The following GALNTL6 variants were observed in gnomAD, a reference collection of about 807,000 sequenced individuals.
GALNTL6 encodes the protein polypeptide N-acetylgalactosaminyltransferase-like 6.
In GALNTL6, 46 loss-of-function variants were observed where a neutral mutation model predicts 73.7. The ratio of observed to expected loss-of-function variants is 0.62; its 90% CI spans 0.49 to 0.80. GALNTL6 has a LOEUF of 0.80. Ranked by LOEUF, GALNTL6 falls within the 30% of genes least tolerant of loss-of-function variation. The probability of loss-of-function intolerance (pLI) is 0.00; values close to 1 mark genes in which losing one functional copy is unlikely to be tolerated. For synonymous variants in GALNTL6, 259 were observed against 263.7 expected (o/e 0.98, Z 0.17); for missense variants, 604 against 755.0 (o/e 0.80, Z 2.34).
In GALNTL6 at chr4:172,813,378, A is replaced by G. The variant is rs573749185; in HGVS notation, c.740-162A>G. Among the ~76,000 whole-genome samples the G allele has an allele frequency of 9.1e-4, 138 of 152,316 alleles. 4 individuals are homozygous for G. The South Asian group carries it at 0.028, about 31-fold the overall frequency. ...ACCTAATCGCTGTCCCATCACATTAAGTCCAGAATTCAGAGATTCCTGAAA... is the reference window on the plus strand; with the variant it reads ...ACCTAATCGCTGTCCCATCACATTAGGTCCAGAATTCAGAGATTCCTGAAA... On this transcript the variant is annotated intron_variant, in intron 6 of 12. Coordinates refer to ENST00000506823, the MANE Select transcript of GALNTL6 (RefSeq NM_001034845.3).
chr4:171,906,769 A>G (rs1356679498), intron 2 of GALNTL6, among the ~76,000 whole-genome samples: 1 of 152,196 alleles, frequency 6.6e-6, no homozygotes, highest in Admixed American at 6.5e-5. Flanking sequence ...AACCGAATCC[A>G]GCAGCACATC....
intron 7 of GALNTL6, among the ~76,000 whole-genome samples, chr4:172,869,497 G>A (rs1424223068): frequency 6.6e-6 from 1 of 152,156 alleles, no homozygotes; most frequent in Non-Finnish European, 1.5e-5. Context: ...TAAAGTGTAT[G>A]CAGAGGTGGG....
chr4:172,041,152 G>C (rs1349821960), intron 2 of GALNTL6, among the ~76,000 whole-genome samples: 5 of 152,018 alleles, frequency 3.3e-5, no homozygotes, highest in Admixed American at 6.6e-5. Context: ...ATGATTGCAT[G>C]AGTTGGGAAC....
intron 10 of GALNTL6, among the ~76,000 whole-genome samples, chr4:172,956,770 A>G (rs1239280021): frequency 6.6e-6 from 1 of 152,208 alleles, no homozygotes; most frequent in Non-Finnish European, 1.5e-5. Context: ...AGTATTGTCC[A>G]GTCCTTTTTA....
At chr4:172,698,319 C>T (rs1222301989) in intron 5 of GALNTL6, among the ~76,000 whole-genome samples, 2 of 152,152 alleles carry the variant, frequency 1.3e-5, no homozygotes, top group Non-Finnish European at 2.9e-5. Context: ...CAGCTAGAGA[C>T]TTACTGCTTA....
intron 2 of GALNTL6, among the ~76,000 whole-genome samples, chr4:172,039,873 T>G (rs1742035776): frequency 6.6e-6 from 1 of 152,152 alleles, no homozygotes; most frequent in Non-Finnish European, 1.5e-5. Flanking sequence ...TCCAGTGTAA[T>G]TTCATTAAGA....
chr4:172,156,553 A>ATATATATATAG (rs1734289673), intron 2 of GALNTL6, among the ~76,000 whole-genome samples: 2 of 137,610 alleles, frequency 1.5e-5, no homozygotes, highest in Non-Finnish European at 3.1e-5. Flanking sequence ...ATATATATAT[A>ATATATATATAG]TATATATATA....
At chr4:172,053,066 G>A (rs1038464961) in intron 2 of GALNTL6, among the ~76,000 whole-genome samples, 1 of 151,946 alleles carries the variant, frequency 6.6e-6, no homozygotes, top group South Asian at 2.1e-4. Flanking sequence ...CATGTAAATA[G>A]GACAAAAATA....
chr4:172,525,590 C>T (rs762832808), intron 5 of GALNTL6, among the ~76,000 whole-genome samples: 2 of 152,134 alleles, frequency 1.3e-5, no homozygotes, highest in Non-Finnish European at 2.9e-5. Context: ...GGGTCGGGCA[C>T]AGTGACTAAC....
intron 2 of GALNTL6, among the ~76,000 whole-genome samples, chr4:172,087,774 A>G (rs1041037961): frequency 6.7e-6 from 1 of 149,888 alleles, no homozygotes; most frequent in African/African-American, 2.4e-5. Context: ...AAAAAAAAAA[A>G]CAGTGGAAAT....
At chr4:172,929,421 G>T (rs1748216752) in intron 8 of GALNTL6, among the ~76,000 whole-genome samples, 1 of 151,836 alleles carries the variant, frequency 6.6e-6, no homozygotes, top group African/African-American at 2.4e-5. Context: ...ATTACTCAGG[G>T]GTCTCCAGAG....
chr4:172,823,585 A>C (rs1742061961), intron 7 of GALNTL6, among the ~76,000 whole-genome samples: 1 of 152,226 alleles, frequency 6.6e-6, no homozygotes, highest in African/African-American at 2.4e-5. Context: ...GCTGCAGAGA[A>C]TGTTGTGGCA....
At chr4:172,976,767 A>G (rs1750830212) in intron 10 of GALNTL6, among the ~76,000 whole-genome samples, 1 of 152,226 alleles carries the variant, frequency 6.6e-6, no homozygotes, top group Admixed American at 6.5e-5. Flanking sequence ...AAAAGGCTGG[A>G]TGCATGAAAC....
chr4:172,285,065 G>A (rs1739198846), intron 3 of GALNTL6, among the ~76,000 whole-genome samples: 2 of 152,098 alleles, frequency 1.3e-5, no homozygotes, highest in African/African-American at 4.8e-5. Flanking sequence ...TAATTCTTCT[G>A]ATCTATGAGC....
At chr4:171,951,193 C>T (rs1282735354) in intron 2 of GALNTL6, among the ~76,000 whole-genome samples, 1 of 151,550 alleles carries the variant, frequency 6.6e-6, no homozygotes, top group African/African-American at 2.4e-5. Flanking sequence ...AAAGAAGTTG[C>T]TAAAAAAATA....
At chr4:172,484,457 T>G (rs529273509) in intron 5 of GALNTL6, among the ~76,000 whole-genome samples, 2 of 152,150 alleles carry the variant, frequency 1.3e-5, no homozygotes, top group African/African-American at 4.8e-5. Flanking sequence ...TGACTGAAAG[T>G]GCTGGTTGGA....
At chr4:171,983,689 T>A (rs1362735270) in intron 2 of GALNTL6, among the ~76,000 whole-genome samples, 6 of 151,994 alleles carry the variant, frequency 3.9e-5, no homozygotes, top group African/African-American at 1.5e-4. Context: ...CCTTGAATTT[T>A]AATTTGTGTT....
At chr4:172,920,623 C>T (rs547243616) in intron 8 of GALNTL6, among the ~76,000 whole-genome samples, 54 of 152,254 alleles carry the variant, frequency 3.5e-4, no homozygotes, top group Middle Eastern at 6.8e-3. Context: ...TTTAACATCA[C>T]TCATTTCTTT....
chr4:172,900,684 AC>A (rs1479828152), intron 8 of GALNTL6, among the ~76,000 whole-genome samples: 2 of 152,210 alleles, frequency 1.3e-5, no homozygotes, highest in South Asian at 2.1e-4. Flanking sequence ...TTGCAGTGTC[AC>A]TGAAATTCAA....
Sources: gnomAD v4.1 joint callset for allele counts (sites outside exome capture counted in the v4.1 genomes callset) on GRCh38, gnomAD v4.1.1 for gene constraint, MANE v1.5 for transcripts, NCBI Gene and HGNC (gene_info 2026-07-23, HGNC 2026-07-21) for gene names.